LMTK2: variants seen among roughly 807,000 people sequenced by gnomAD.
The protein encoded by LMTK2 is serine/threonine-protein kinase LMTK2.
A neutral mutation model predicts 127.5 loss-of-function variants in LMTK2; 37 were observed. That is an observed-to-expected ratio of 0.29 (90% confidence interval 0.22 to 0.38). The LOEUF is 0.38. Among genes scored for constraint, LMTK2 ranks in the 10% least tolerant of loss-of-function variants. LMTK2 has a pLI of 1.00. For missense variants in LMTK2, 1,694 were observed against 1,920.3 expected (o/e 0.88, Z 2.20); for synonymous variants, 819 against 810.1 (o/e 1.01, Z -0.19).
intron 11 of LMTK2, among the ~76,000 whole-genome samples, chr7:98,195,258 A>G (rs1161594538): frequency 2.6e-5 from 4 of 152,164 alleles, no homozygotes; most frequent in Non-Finnish European, 5.9e-5. Flanking sequence ...GCTGGCGTGC[A>G]GCCCTGGAGA....
rs375080935 is a variant in LMTK2 at position 98,139,194 on chromosome 7, C to T, written c.231+1752C>T. Among the ~76,000 whole-genome samples the T allele has an allele frequency of 2.0e-5, 3 of 152,164 alleles. No individual in the cohort carries two copies. The East Asian group carries it at 5.8e-4, about 29-fold the overall frequency. ...AGGCTGGATCACACTTCACTACAGC[C>T]TCAACCTCCCAGGCTCAAGCAATCC... is the stretch of plus-strand genomic sequence containing the variant. On this transcript the variant is annotated intron_variant, in intron 2 of 13. Coordinates refer to ENST00000297293, the MANE Select transcript of LMTK2 (RefSeq NM_014916.4).
intron 5 of LMTK2, among the ~76,000 whole-genome samples, chr7:98,157,561 T>C (rs891628337): frequency 5.3e-5 from 8 of 150,010 alleles, no homozygotes; most frequent in South Asian, 2.1e-4. Context: ...TTGCTAACAA[T>C]TGGAAAAACT....
intron 1 of LMTK2, among the ~76,000 whole-genome samples, chr7:98,108,049 A>T (rs1796142414): frequency 6.6e-6 from 1 of 152,228 alleles, no homozygotes; most frequent in African/African-American, 2.4e-5. Context: ...AGGAAAAAAA[A>T]ATCTAGGCTA....
intron 7 of LMTK2, among the ~76,000 whole-genome samples, chr7:98,175,673 G>T (rs527960991): frequency 6.6e-6 from 1 of 152,362 alleles, no homozygotes; most frequent in East Asian, 1.9e-4. Flanking sequence ...ACTTGCTGAA[G>T]GCAGGGATTG....
In LMTK2 at chr7:98,171,439, TAATAAA is replaced by T; in HGVS notation, c.658-101_658-96del. The T allele has an allele frequency of 6.8e-7, 1 of 1,471,844 alleles. No homozygotes were observed. The highest frequency in any genetic ancestry group is 1.1e-5 in the South Asian group (1 of 87,698). The allele number at this position is 1,471,844 out of a possible 1,614,324, so 91.2% of individuals were successfully genotyped here. ...TTTAAGTATGAACAAAAGAAGTTTC[TAATAAA>T]TAATCTTAACAGTTAGTGTTCACCG... is the stretch of plus-strand genomic sequence containing the variant. On this transcript the variant is annotated intron_variant, in intron 6 of 13. Transcript: ENST00000297293. The surrounding 1 kb of genome is among the most constrained non-coding windows in gnomAD (Gnocchi z 5.1).
At chr7:98,116,525 A>C (rs1796289235) in intron 1 of LMTK2, among the ~76,000 whole-genome samples, 1 of 151,878 alleles carries the variant, frequency 6.6e-6, no homozygotes, top group Non-Finnish European at 1.5e-5. Context: ...ATGCAGCCAC[A>C]GACCTTCACC....
chr7:98,116,925 C>CT (rs1273832722), intron 1 of LMTK2, among the ~76,000 whole-genome samples: 1 of 152,218 alleles, frequency 6.6e-6, no homozygotes, highest in Non-Finnish European at 1.5e-5. Flanking sequence ...TGGGATTTGT[C>CT]TGATGTTTTT....
chr7:98,186,188 C>T (rs778549560), intron 8 of LMTK2, among the ~76,000 whole-genome samples: 9 of 151,964 alleles, frequency 5.9e-5, no homozygotes, highest in Non-Finnish European at 8.8e-5. Flanking sequence ...CTTAGCCTTC[C>T]GAGTAACTGG....
chr7:98,111,561 G>A (rs1009569429), intron 1 of LMTK2, among the ~76,000 whole-genome samples: 4 of 152,136 alleles, frequency 2.6e-5, no homozygotes, highest in Non-Finnish European at 4.4e-5. Flanking sequence ...TCAGTTACTC[G>A]ACCTCTGGGC....
Position 98,207,452 on chromosome 7 carries a change from T to C in LMTK2, c.*1960T>C, listed in dbSNP as rs4509254. The C allele has an allele frequency of 0.99, 149,951 of 151,662 alleles. 74,147 individuals carry two copies. Among genetic ancestry groups the C allele is most frequent in the Non-Finnish European group, 1 (67,819 of 67,896 alleles). The allele number at this position is 151,662 out of a possible 1,614,324, so 9.4% of individuals were successfully genotyped here. On this transcript the variant is annotated 3_prime_UTR_variant, in exon 14 of 14. Transcript: ENST00000297293. ...CCCTCCTGTGTAGGCATGGGGTGGATGCGGTGCCCACCTGGGCTATGTGGG... is the reference window on the plus strand; with the variant it reads ...CCCTCCTGTGTAGGCATGGGGTGGACGCGGTGCCCACCTGGGCTATGTGGG...
In LMTK2 at chr7:98,193,222, G is replaced by A. The variant is rs754051835; in HGVS notation, c.2757G>A (p.Pro919=). The A allele has an allele frequency of 3.3e-5, 54 of 1,613,532 alleles. No homozygotes were observed. The East Asian group carries it at 3.8e-4, about 11-fold the overall frequency. ...GGGTGAGTGTAGGGAGTAGTCTCCCGGAACTGGGACAGGAATTGCACAATA... is the reference window on the plus strand; with the variant it reads ...GGGTGAGTGTAGGGAGTAGTCTCCCAGAACTGGGACAGGAATTGCACAATA... ...ASRVSVGSSL[P]ELGQELHNKP... is the part of the protein sequence containing the mutation. Residue 919 remains proline (P), a synonymous_variant, in exon 11 of 14, where the codon CCG becomes CCA. Transcript: ENST00000297293. The surrounding 1 kb of genome is among the most constrained non-coding windows in gnomAD (Gnocchi z 4.1).
At chr7:98,142,451 C>G (rs1796713213) in intron 3 of LMTK2, among the ~76,000 whole-genome samples, 1 of 151,872 alleles carries the variant, frequency 6.6e-6, no homozygotes, top group South Asian at 2.1e-4. Flanking sequence ...TGTTTAATTG[C>G]TGTAAATAAC....
intron 7 of LMTK2, among the ~76,000 whole-genome samples, chr7:98,173,435 C>T (rs960297612): frequency 1.3e-5 from 2 of 151,962 alleles, no homozygotes; most frequent in Non-Finnish European, 2.9e-5. Flanking sequence ...TCTTTTATAA[C>T]AGGCTGTTAT....
rs1370206099 is a variant in LMTK2 at position 98,207,551 on chromosome 7, C to CA, written c.*2063dup. 2 of 151,266 alleles carry CA rather than the reference C, an allele frequency of 1.3e-5. No homozygotes were observed. The highest frequency in any genetic ancestry group is 2.9e-5 in the Non-Finnish European group (2 of 67,892). The allele number at this position is 151,266 out of a possible 1,614,324, so 9.4% of individuals were successfully genotyped here. On this transcript the variant is annotated 3_prime_UTR_variant, in exon 14 of 14. Transcript: ENST00000297293. The stretch of plus-strand genomic sequence containing the variant: ...ACAGGGCATTAGAAGATGATTTTGC[C>CA]AAAATTGTCATGACTCTGAATTCTT...
chr7:98,145,242 G>A (rs1394738573), intron 3 of LMTK2, among the ~76,000 whole-genome samples: 1 of 146,270 alleles, frequency 6.8e-6, no homozygotes, highest in African/African-American at 2.5e-5. Flanking sequence ...AAAATTTACA[G>A]AAAGGGAAAT....
At chr7:98,119,665 C>G (rs1420379933) in intron 1 of LMTK2, among the ~76,000 whole-genome samples, 1 of 152,150 alleles carries the variant, frequency 6.6e-6, no homozygotes, top group Non-Finnish European at 1.5e-5. Context: ...GGTGCCAGTC[C>G]TGGACCACCA....
At chr7:98,184,329 A>G (rs562564120) in intron 7 of LMTK2, among the ~76,000 whole-genome samples, 17 of 152,086 alleles carry the variant, frequency 1.1e-4, no homozygotes, top group African/African-American at 3.1e-4. Context: ...TCTGTCTGTT[A>G]GGAGACTGTC....
intron 6 of LMTK2, among the ~76,000 whole-genome samples, chr7:98,162,426 A>C (rs1423688325): frequency 6.6e-6 from 1 of 152,230 alleles, no homozygotes; most frequent in Non-Finnish European, 1.5e-5. Flanking sequence ...TTATCCAAAT[A>C]CTTAGACTAA....
At chr7:98,117,439 A>T (rs895610723) in intron 1 of LMTK2, among the ~76,000 whole-genome samples, 1 of 152,152 alleles carries the variant, frequency 6.6e-6, no homozygotes, top group African/African-American at 2.4e-5. Context: ...CTTCGAGTTG[A>T]TTCCACAGTG....
Sources: gnomAD v4.1 joint callset for allele counts (sites outside exome capture counted in the v4.1 genomes callset) on GRCh38, gnomAD v4.1.1 for gene constraint, Gnocchi (gnomAD v3.1) non-coding constraint, MANE v1.5 for transcripts, NCBI Gene and HGNC (gene_info 2026-07-23, HGNC 2026-07-21) for gene names.